The following MINDY4 variants were observed in gnomAD, a reference collection of about 807,000 sequenced individuals.
The protein encoded by MINDY4 is probable ubiquitin carboxyl-terminal hydrolase MINDY-4.
MINDY4 carries 68 observed loss-of-function variants against 87.0 expected under a neutral mutation model. The observed-to-expected ratio is 0.78, with a 90% CI of 0.64 to 0.96. MINDY4 has a LOEUF of 0.96. MINDY4 is among the 40% of genes least tolerant of loss of function. MINDY4 has a pLI of 0.00. For synonymous variants in MINDY4, 379 were observed against 363.2 expected (o/e 1.04, Z -0.50); for missense variants, 919 against 928.2 (o/e 0.99, Z 0.13).
At chr7:30,798,828 G>A (rs1313644682) in intron 5 of MINDY4, among the ~76,000 whole-genome samples, 16 of 152,184 alleles carry the variant, frequency 1.1e-4, no homozygotes, top group Non-Finnish European at 2.1e-4. Context: ...GGCCAGTGGT[G>A]TTTCTTTGTG....
chr7:30,839,442 C>T (rs1788966282), intron 8 of MINDY4, 126 bp downstream of exon 8: 2 of 582,666 alleles, frequency 3.4e-6, no homozygotes, highest in African/African-American at 1.9e-5. Flanking sequence ...GCCAGCCCCA[C>T]ATGTGCTGAG....
chr7:30,774,403 C>T (rs1027843983), intron 1 of MINDY4, among the ~76,000 whole-genome samples: 3 of 152,178 alleles, frequency 2.0e-5, no homozygotes, highest in Non-Finnish European at 4.4e-5. Flanking sequence ...TCGCTGTCTC[C>T]TGCACCATGC....
chr7:30,834,626 GA>G (rs1295131870), intron 6 of MINDY4, among the ~76,000 whole-genome samples: 1 of 152,226 alleles, frequency 6.6e-6, no homozygotes, highest in East Asian at 1.9e-4. Flanking sequence ...TTTCTCTTCA[GA>G]AAATGGGGTT....
intron 14 of MINDY4, among the ~76,000 whole-genome samples, chr7:30,872,563 G>C (rs1790138846): frequency 6.6e-6 from 1 of 152,212 alleles, no homozygotes; most frequent in Non-Finnish European, 1.5e-5. Context: ...GAGCTGCAGA[G>C]GATGCAAAAG....
intron 13 of MINDY4, among the ~76,000 whole-genome samples, chr7:30,868,020 C>T (rs746090667): frequency 5.9e-5 from 9 of 152,194 alleles, no homozygotes; most frequent in African/African-American, 1.9e-4. Context: ...GCCGAGTGGA[C>T]GCTGGTGTTA....
intron 5 of MINDY4, among the ~76,000 whole-genome samples, chr7:30,816,406 G>A (rs573110723): frequency 1.3e-5 from 2 of 152,266 alleles, no homozygotes; most frequent in South Asian, 4.1e-4. Context: ...TCTTGCTCTG[G>A]CTCTGCATAC....
At chr7:30,794,371 G>A (rs1787416777) in intron 5 of MINDY4, among the ~76,000 whole-genome samples, 1 of 152,142 alleles carries the variant, frequency 6.6e-6, no homozygotes, top group African/African-American at 2.4e-5. Context: ...TGGCATCAGA[G>A]CTGGCCATAT....
intron 12 of MINDY4, among the ~76,000 whole-genome samples, chr7:30,857,504 G>A (rs1405351404): frequency 3.9e-5 from 2 of 51,064 alleles, no homozygotes; most frequent in African/African-American, 4.1e-4. Flanking sequence ...ACGGAGTCTC[G>A]CTCTGTCGCC....
chr7:30,850,426 A>G, intron 9 of MINDY4, 28 bp from the exon 10 acceptor site: 2 of 1,596,214 alleles, frequency 1.3e-6, no homozygotes, highest in Non-Finnish European at 8.5e-7. Context: ...CCACATGGGC[A>G]TAAATGCCTT....
chr7:30,845,221 C>T (rs1458752816), intron 9 of MINDY4, among the ~76,000 whole-genome samples: 3 of 152,142 alleles, frequency 2.0e-5, no homozygotes, highest in Non-Finnish European at 2.9e-5. Flanking sequence ...AACGGCTTCA[C>T]GGTGGAACCT....
rs1045820730 is a variant in MINDY4 at position 30,861,046 on chromosome 7, C to A, written c.1745+1722C>A. Among the ~76,000 whole-genome samples, 6 of 152,196 alleles carry A rather than the reference C, an allele frequency of 3.9e-5. No individual in the cohort carries two copies. The East Asian group carries it at 1.2e-3, about 29-fold the overall frequency. ...ACACGAAAACTCACAAAGACATGGA[C>A]ACACACAGAGACACATAGTCCAGCT... is the stretch of plus-strand genomic sequence containing the variant. On this transcript the variant is annotated intron_variant, in intron 13 of 17. Transcript: ENST00000265299.
chr7:30,852,167 A>T, intron 10 of MINDY4, 49 bp from the exon 11 acceptor site: 1 of 1,611,434 alleles, frequency 6.2e-7, no homozygotes, highest in Non-Finnish European at 8.5e-7. Context: ...GCTGGAGGGC[A>T]CGCCTTCTCT....
intron 7 of MINDY4, 25 bp from the exon 8 acceptor site, chr7:30,839,175 G>C (rs1421943674): frequency 6.6e-7 from 1 of 1,507,534 alleles, no homozygotes; most frequent in Admixed American, 1.9e-5. Context: ...AAAACAACCA[G>C]TAAAACTCTC....
chr7:30,847,146 G>A (rs1789246410), intron 9 of MINDY4, among the ~76,000 whole-genome samples: 1 of 152,236 alleles, frequency 6.6e-6, no homozygotes, highest in Non-Finnish European at 1.5e-5. Context: ...ACCAGAACCT[G>A]TGAACCAGGA....
intron 1 of MINDY4, among the ~76,000 whole-genome samples, chr7:30,775,085 T>C (rs960108806): frequency 2.0e-5 from 3 of 152,070 alleles, no homozygotes; most frequent in African/African-American, 7.2e-5. Flanking sequence ...TGTATGGGGA[T>C]TTTTCCTCCA....
rs28367465 is a variant in MINDY4, at chr7:30,771,441, G to T, written c.-53G>T. 1,532 of 1,567,992 alleles carry T rather than the reference G, an allele frequency of 9.8e-4. 14 individuals are homozygous for T. The African/African-American group carries it at 0.017, about 18-fold the overall frequency. On this transcript the variant is annotated 5_prime_UTR_variant, in exon 1 of 18. Transcript: ENST00000265299. The stretch of plus-strand genomic sequence containing the variant: ...CATACTGCGCCGGACAGACCCAGTT[G>T]CCTGGTGCTGCGGCCCGGCGTGGGC...
At chr7:30,855,221 G>T (rs548290891) in intron 12 of MINDY4, among the ~76,000 whole-genome samples, 1 of 152,394 alleles carries the variant, frequency 6.6e-6, no homozygotes, top group African/African-American at 2.4e-5. Flanking sequence ...GGAAGATGGA[G>T]CAGTTATCAG....
intron 12 of MINDY4, among the ~76,000 whole-genome samples, chr7:30,854,261 G>A (rs1740494445): frequency 6.6e-6 from 1 of 152,226 alleles, no homozygotes; most frequent in African/African-American, 2.4e-5. Context: ...TGTAAAATGT[G>A]GGTCAGAAGA....
chr7:30,817,896 A>G (rs1284776975), intron 5 of MINDY4, among the ~76,000 whole-genome samples: 3 of 152,130 alleles, frequency 2.0e-5, no homozygotes, highest in East Asian at 3.9e-4. Flanking sequence ...AGGAGTGCCG[A>G]ATTTGTATTC....
Sources: allele counts gnomAD v4.1 joint callset (sites outside exome capture counted in the v4.1 genomes callset), GRCh38; gene constraint gnomAD v4.1.1; transcripts MANE v1.5; gene names NCBI Gene and HGNC (gene_info 2026-07-23, HGNC 2026-07-21).